CCDC175: variants seen among roughly 807,000 people sequenced by gnomAD.
The protein encoded by CCDC175 is coiled-coil domain-containing protein 175.
CCDC175 carries 100 observed loss-of-function variants against 114.6 expected under a neutral mutation model. The observed-to-expected ratio is 0.87, with a 90% CI of 0.74 to 1.03. The LOEUF (loss-of-function observed/expected upper bound fraction) is 1.03. Ranked by LOEUF, CCDC175 falls within the 50% of genes least tolerant of loss-of-function variation. The probability of loss-of-function intolerance (pLI) is 0.00; values close to 1 mark genes in which losing one functional copy is unlikely to be tolerated. For synonymous variants in CCDC175, 306 were observed against 308.7 expected, an observed-to-expected ratio of 0.99 and a Z score of 0.09; for missense variants, 880 against 917.8, an observed-to-expected ratio of 0.96 and a Z score of 0.53.
At chr14:59,573,637 T>C (rs1896953442) in intron 2 of CCDC175, among the ~76,000 whole-genome samples, 1 of 147,454 alleles carries the variant, frequency 6.8e-6, no homozygotes, top group South Asian at 2.1e-4. Context: ...TTTTTTGAGA[T>C]GGAATCTCAC....
At chr14:59,521,872 T>C (rs1893445319) in intron 16 of CCDC175, among the ~76,000 whole-genome samples, 196 bp from the exon 17 acceptor site, 1 of 152,256 alleles carries the variant, frequency 6.6e-6, no homozygotes, top group African/African-American at 2.4e-5. Context: ...TTCTGCTTCC[T>C]ATGAAGCATT....
At position 59,576,686 on chromosome 14, in the gene CCDC175, T is replaced by A; in HGVS notation, c.90A>T (p.Leu30Phe). 6.7e-7 allele frequency: 1 copy of A among 1,487,492 alleles called. No individual in the cohort carries two copies. Among genetic ancestry groups the A allele is most frequent in the Non-Finnish European group, 8.9e-7 (1 of 1,126,190 alleles). The allele number at this position is 1,487,492 out of a possible 1,614,324, so 92.1% of individuals were successfully genotyped here. A position where few individuals can be genotyped will look rare whatever the true frequency, so the allele number is the denominator to read the frequency against. Residue 30 changes from leucine (L) to phenylalanine (F), a missense_variant, in exon 1 of 20, where the codon TTA (leucine) becomes TTT (phenylalanine). By Grantham distance (22) the Leu-to-Phe change is conservative. Transcript: ENST00000537690. ...AAVSTGPSLE[L>F]CTLPSTLGSS... ...AGCCCAGGGTGGAGGGTAAGGTGCA[T>A]AACTCCAGGGAGGGGCCAGTGGAGA...
chr14:59,553,532 G>A (rs561480735), intron 7 of CCDC175, among the ~76,000 whole-genome samples: 2,128 of 152,244 alleles, frequency 0.014, 49 homozygotes, highest in African/African-American at 0.049. Flanking sequence ...AAAGACCATC[G>A]AGGCTAGGAA....
At chr14:59,541,211 C>T (rs1037299147) in intron 10 of CCDC175, among the ~76,000 whole-genome samples, 2 of 152,148 alleles carry the variant, frequency 1.3e-5, no homozygotes, top group African/African-American at 4.8e-5. Flanking sequence ...GTAAGGTCAA[C>T]ACATTGTTGA....
chr14:59,551,173 C>T (rs2140070964), intron 8 of CCDC175, 182 bp downstream of exon 8: 1 of 426,012 alleles, frequency 2.3e-6, no homozygotes, highest in Non-Finnish European at 4.1e-6. Flanking sequence ...ACAACCTTTG[C>T]TCTTTGATAT....
At chr14:59,515,463 T>C in intron 17 of CCDC175, among the ~76,000 whole-genome samples, 1 of 152,100 alleles carries the variant, frequency 6.6e-6, no homozygotes, top group Non-Finnish European at 1.5e-5. Context: ...AATAAAGGGA[T>C]GGAGGAAGAT....
chr14:59,538,044 C>A lies in CCDC175; in HGVS notation c.1602G>T (p.Met534Ile). Reference protein sequence around the residue: ...KAFVNKEKMLMKELSKYEEIF... With the variant: ...KAFVNKEKMLIKELSKYEEIF... ...TTACCTCATACTTGCTTAACTCTTT[C>A]ATTAACATTTTTTCTTTGTTAACAA... Residue 534 changes from methionine to isoleucine, a missense_variant, in exon 13 of 20, where the codon ATG (methionine) becomes ATT (isoleucine). Physicochemically the swap from Met to Ile is conservative, Grantham distance 10 (BLOSUM62 1). Transcript: ENST00000537690. 6.5e-7 allele frequency: 1 copy of A among 1,529,948 alleles called. No individual in the cohort carries two copies. The allele number at this position is 1,529,948 out of a possible 1,614,324, so 94.8% of individuals were successfully genotyped here.
Position 59,565,220 on chromosome 14 carries a change from G to A in CCDC175, c.547C>T (p.Gln183Ter). 2.6e-6 allele frequency: 4 copies of A among 1,537,710 alleles called. No homozygotes were observed. In the South Asian group the frequency reaches 4.8e-5, roughly 18 times the overall value. ...GTGGTGGCTTTTTTCTCCATAGTTT[G>A]GTTGAGTGACAGGACAAACCTTGCA... ...KHARFVLSLN[Q>*]TMEKKATTTV... Residue 183 changes from glutamine to a stop codon, truncating the protein, a stop_gained, in exon 5 of 20, where the codon CAA becomes TAA. Coordinates refer to ENST00000537690, the MANE Select transcript of CCDC175 (RefSeq NM_001164399.2). LOFTEE classifies it high-confidence loss of function.
intron 6 of CCDC175, 141 bp downstream of exon 6, chr14:59,563,596 C>T (rs980449034): frequency 7.0e-5 from 33 of 470,246 alleles, no homozygotes; most frequent in Non-Finnish European, 1.0e-4. Context: ...TGCACCATAA[C>T]GCTTTAAAGA....
At chr14:59,536,232 C>G (rs1449778408) in intron 13 of CCDC175, among the ~76,000 whole-genome samples, 1 of 152,046 alleles carries the variant, frequency 6.6e-6, no homozygotes, top group Non-Finnish European at 1.5e-5. Flanking sequence ...GCCTCAGGCC[C>G]TTCCTGCCTA....
chr14:59,522,352 A>G (rs1368817568), intron 16 of CCDC175, among the ~76,000 whole-genome samples: 1 of 152,188 alleles, frequency 6.6e-6, no homozygotes, highest in Admixed American at 6.5e-5. Context: ...TAGACATGGG[A>G]CTGTTACGTA....
chr14:59,515,003 G>C (rs1007323263), intron 17 of CCDC175, among the ~76,000 whole-genome samples: 1 of 152,134 alleles, frequency 6.6e-6, no homozygotes, highest in South Asian at 2.1e-4. Flanking sequence ...GAGAGTGGGG[G>C]CCAATATTCA....
intron 14 of CCDC175, among the ~76,000 whole-genome samples, chr14:59,530,328 T>C (rs1030612856): frequency 6.7e-6 from 1 of 150,094 alleles, no homozygotes; most frequent in South Asian, 2.1e-4. Context: ...GATTGTACCA[T>C]TGCACTCCAG....
intron 17 of CCDC175, among the ~76,000 whole-genome samples, chr14:59,514,823 A>G (rs568990324): frequency 6.6e-6 from 1 of 152,296 alleles, no homozygotes; most frequent in South Asian, 2.1e-4. Flanking sequence ...GAATGCCACA[A>G]AGATACTCCT....
At chr14:59,542,296 T>C (rs1894837498) in intron 10 of CCDC175, among the ~76,000 whole-genome samples, 1 of 152,238 alleles carries the variant, frequency 6.6e-6, no homozygotes, top group Admixed American at 6.5e-5. Context: ...ATGTGGTTCA[T>C]TAATTATTTC....
chr14:59,511,651 C>T lies in CCDC175; in HGVS notation c.2142+109G>A, dbSNP rs201748793. 25 of 720,650 alleles carry T rather than the reference C, an allele frequency of 3.5e-5. 1 individual carries two copies. The highest frequency in any genetic ancestry group is 2.6e-4 in the Middle Eastern group (1 of 3,916). The allele number at this position is 720,650 out of a possible 1,614,324, so 44.6% of individuals were successfully genotyped here. A position where few individuals can be genotyped will look rare whatever the true frequency, so the allele number is the denominator to read the frequency against. On this transcript the variant is annotated intron_variant, in intron 18 of 19. Coordinates refer to ENST00000537690, the MANE Select transcript of CCDC175 (RefSeq NM_001164399.2). ...GCTAGTGTGAATTTCCACCCTGATG[C>T]GTGCATGCAGGTGCACACAGACACA...
chr14:59,554,547 T>C (rs1294404953), intron 7 of CCDC175, among the ~76,000 whole-genome samples: 3 of 151,902 alleles, frequency 2.0e-5, no homozygotes, highest in African/African-American at 7.3e-5. Context: ...AATATCACAA[T>C]TAAAAGAACT....
chr14:59,547,754 C>G (rs1306965067), intron 8 of CCDC175, among the ~76,000 whole-genome samples: 1 of 152,012 alleles, frequency 6.6e-6, no homozygotes, highest in African/African-American at 2.4e-5. Flanking sequence ...TCAATGGTAA[C>G]AGAAGAGAAT....
In CCDC175 at chr14:59,576,624, AC is replaced by A. The variant is rs1897138153; in HGVS notation, c.151del (p.Val51LeufsTer26). On this transcript the variant is annotated frameshift_variant, in exon 1 of 20. Coordinates refer to ENST00000537690, the MANE Select transcript of CCDC175 (RefSeq NM_001164399.2). LOFTEE classifies it high-confidence loss of function. ...VAVEALEQLF[V>X]VEQSLQSDYF... ...GCGCCCGAGGGGCGTCTTACCCACA[AC>A]AAACAGCTGCTCCAGCGCCTCGACC... The A allele has an allele frequency of 6.8e-7, 1 of 1,467,734 alleles. No individual in the cohort carries two copies. The highest frequency in any genetic ancestry group is 8.9e-7 in the Non-Finnish European group (1 of 1,117,998). The allele number at this position is 1,467,734 out of a possible 1,614,324, so 90.9% of individuals were successfully genotyped here. A position where few individuals can be genotyped will look rare whatever the true frequency, so the allele number is the denominator to read the frequency against.
Sources: gnomAD v4.1 joint callset for allele counts (sites outside exome capture counted in the v4.1 genomes callset) on GRCh38, gnomAD v4.1.1 for gene constraint, MANE v1.5 for transcripts, NCBI Gene and HGNC (gene_info 2026-07-23, HGNC 2026-07-21) for gene names.